SIN3B: variants seen among roughly 807,000 people sequenced by gnomAD.
SIN3B encodes the protein SIN3 transcription regulator family member B.
Under a neutral mutation model 120.2 loss-of-function variants are expected in SIN3B, and 19 were observed. The ratio of observed to expected loss-of-function variants is 0.16; its 90% CI spans 0.11 to 0.23. SIN3B has a LOEUF of 0.23. Among genes scored for constraint, SIN3B ranks in the 10% least tolerant of loss-of-function variants. The pLI, the probability that SIN3B is intolerant of heterozygous loss-of-function variation, is 1.00. For missense variants in SIN3B, 1,073 were observed against 1,573.0 expected (o/e 0.68, Z 5.38); for synonymous variants, 654 against 653.2 (o/e 1.00, Z -0.02).
intron 6 of SIN3B, 151 bp from the exon 7 acceptor site, chr19:16,852,918 C>T (rs987825261): frequency 1.8e-6 from 1 of 552,076 alleles, no homozygotes; most frequent in Non-Finnish European, 3.1e-6. Context: ...TCCTGGGTAA[C>T]TGAGCGGCTC....
chr19:16,874,380 G>A (rs2051554423), intron 14 of SIN3B, among the ~76,000 whole-genome samples: 2 of 151,980 alleles, frequency 1.3e-5, no homozygotes, highest in South Asian at 4.2e-4. Context: ...GTTTTGGTTT[G>A]GTCTGGTTTG....
At chr19:16,850,270 T>C (rs894280150) in intron 5 of SIN3B, among the ~76,000 whole-genome samples, 1 of 152,192 alleles carries the variant, frequency 6.6e-6, no homozygotes, top group African/African-American at 2.4e-5. Context: ...AAATTTTTAA[T>C]GCAAACTTCC....
In SIN3B at chr19:16,879,218, C is replaced by T. The variant is rs1251866026; in HGVS notation, c.*491C>T. Reference sequence around the variant, plus strand: ...CCTTCCAGAATATTCTCAGAGCTGCCAGAAACATCATCTGAGGGTTTGGGC... The same window carrying T: ...CCTTCCAGAATATTCTCAGAGCTGCTAGAAACATCATCTGAGGGTTTGGGC... On this transcript the variant is annotated 3_prime_UTR_variant, in exon 19 of 19. Coordinates refer to ENST00000248054, the MANE Select transcript of SIN3B (RefSeq NM_001297595.2). 6.2e-6 allele frequency: 1 copy of T among 160,284 alleles called. No individual in the cohort carries two copies. Among genetic ancestry groups the T allele is most frequent in the African/African-American group, 2.4e-5 (1 of 41,596 alleles). 9.9% of individuals were successfully genotyped at this position (160,284 alleles called of 1,614,324 possible).
In SIN3B at chr19:16,862,776, A is replaced by C; in HGVS notation, c.1266+217A>C. 1 of 1,043,152 alleles carries C rather than the reference A, an allele frequency of 9.6e-7. No individual in the cohort carries two copies. Among genetic ancestry groups the C allele is most frequent in the South Asian group, 1.4e-5 (1 of 72,600 alleles). The allele number at this position is 1,043,152 out of a possible 1,614,324, so 64.6% of individuals were successfully genotyped here. ...TAGTTTTGGCAAAACACAGAGTGCC[A>C]GGGATAACGTGGAGTTCGGCTTATT... On this transcript the variant is annotated intron_variant, in intron 9 of 18. Transcript: ENST00000248054. This position sits in a 1 kb window ranked among gnomAD's most constrained non-coding sequence, Gnocchi z 4.7.
At chr19:16,847,731 A>G (rs946973199) in intron 5 of SIN3B, among the ~76,000 whole-genome samples, 1 of 152,220 alleles carries the variant, frequency 6.6e-6, no homozygotes, top group African/African-American at 2.4e-5. Context: ...CACTATGATC[A>G]TAAGACTTTT....
chr19:16,843,003 G>A (rs1971436878), intron 4 of SIN3B, among the ~76,000 whole-genome samples: 1 of 152,234 alleles, frequency 6.6e-6, no homozygotes, highest in Non-Finnish European at 1.5e-5. Context: ...TGGGCTGGTG[G>A]CGAGGGACAT....
intron 5 of SIN3B, among the ~76,000 whole-genome samples, chr19:16,850,858 T>A (rs1971535154): frequency 6.6e-6 from 1 of 152,200 alleles, no homozygotes; most frequent in African/African-American, 2.4e-5. Context: ...GGCTGGAGCC[T>A]GGGAGGCAGG....
At chr19:16,847,556 C>T (rs941204600) in intron 5 of SIN3B, among the ~76,000 whole-genome samples, 2 of 152,152 alleles carry the variant, frequency 1.3e-5, no homozygotes, top group South Asian at 2.1e-4. Flanking sequence ...GAGCCAGTAG[C>T]GGGGGTGGCC....
At chr19:16,858,825 C>G (rs1971650067) in intron 8 of SIN3B, among the ~76,000 whole-genome samples, 1 of 152,172 alleles carries the variant, frequency 6.6e-6, no homozygotes, top group Non-Finnish European at 1.5e-5. Context: ...TGACCTGTGC[C>G]TGTAGTCCCA....
At chr19:16,854,605 A>G in intron 8 of SIN3B, 1 of 192,326 alleles carries the variant, frequency 5.2e-6, no homozygotes, top group Non-Finnish European at 1.1e-5. Context: ...CGTTCTCCCC[A>G]TGTCTGCGTG....
Position 16,876,461 on chromosome 19 carries a change from G to A in SIN3B, c.2767-25G>A. On this transcript the variant is annotated intron_variant, in intron 15 of 18. Transcript: ENST00000248054. This position sits in a 1 kb window ranked among gnomAD's most constrained non-coding sequence, Gnocchi z 7.1. Reference sequence around the variant, plus strand: ...CCGGCTGGGCTGTGCCGGCAGTGGAGGCTGTCAGCGTTCCTGCTCCGCAGG... The same window carrying A: ...CCGGCTGGGCTGTGCCGGCAGTGGAAGCTGTCAGCGTTCCTGCTCCGCAGG... 1.2e-6 allele frequency: 2 copies of A among 1,608,670 alleles called. No individual in the cohort carries two copies. Among genetic ancestry groups the A allele is most frequent in the Middle Eastern group, 1.7e-4 (1 of 6,050 alleles).
intron 8 of SIN3B, among the ~76,000 whole-genome samples, chr19:16,858,718 G>C (rs1971648686): frequency 6.6e-6 from 1 of 152,076 alleles, no homozygotes; most frequent in East Asian, 1.9e-4. Flanking sequence ...GGGAGGCTGA[G>C]GCGGGTGGAT....
At chr19:16,870,189 T>C (rs2051492014) in intron 13 of SIN3B, 114 bp downstream of exon 13, 1 of 1,202,896 alleles carries the variant, frequency 8.3e-7, no homozygotes, top group Non-Finnish European at 1.1e-6. Flanking sequence ...TTTAAGAGAA[T>C]TCTGTGATTT....
rs1318336964 is a variant in SIN3B, at chr19:16,865,308, C to G, written c.1384-102C>G. On this transcript the variant is annotated intron_variant, in intron 10 of 18. Coordinates refer to ENST00000248054, the MANE Select transcript of SIN3B (RefSeq NM_001297595.2). ...GACCCTATCTCTTAAATACACACAC[C>G]CCCCCCCCAAAAAAATCCTCTGGTC... is the stretch of plus-strand genomic sequence containing the variant. 3 of 536,240 alleles carry G rather than the reference C, an allele frequency of 5.6e-6. No individual in the cohort carries two copies. In the East Asian group the frequency reaches 1.1e-4, roughly 19 times the overall value. 33.2% of individuals were successfully genotyped at this position (536,240 alleles called of 1,614,324 possible).
intron 4 of SIN3B, among the ~76,000 whole-genome samples, chr19:16,844,683 A>T (rs1005186381): frequency 1.3e-4 from 20 of 152,202 alleles, no homozygotes; most frequent in Non-Finnish European, 2.5e-4. Context: ...TTCCTCAGGG[A>T]CACCTAGAAA....
chr19:16,853,425 C>T (rs1235334192), intron 7 of SIN3B, among the ~76,000 whole-genome samples: 1 of 152,248 alleles, frequency 6.6e-6, no homozygotes, highest in Non-Finnish European at 1.5e-5. Context: ...CACCCTGCAG[C>T]TGTGTGGCTT....
At chr19:16,839,419 A>G (rs1454209544) in intron 3 of SIN3B, among the ~76,000 whole-genome samples, 1 of 152,122 alleles carries the variant, frequency 6.6e-6, no homozygotes, top group African/African-American at 2.4e-5. Context: ...GTACCGTCCC[A>G]TCTGGCTCTT....
rs200428424 is a variant in SIN3B at position 16,851,474 on chromosome 19, G to A, written c.789G>A (p.Pro263=). The part of the protein sequence containing the change: ...SVQKNEHDKT[P]EHSRKRSRPS... ...AGAAGAACGAGCACGACAAGACCCC[G>A]GAGCACAGCAGGAAGCGCTCCCGGC... The change falls in exon 6 of 19, where the codon CCG becomes CCA. Residue 263 remains proline (P), a synonymous_variant. Coordinates refer to ENST00000248054, the MANE Select transcript of SIN3B (RefSeq NM_001297595.2). The A allele has an allele frequency of 1.8e-5, 29 of 1,610,036 alleles. No homozygotes were observed. Among genetic ancestry groups the A allele is most frequent in the African/African-American group, 1.3e-4 (10 of 74,778 alleles).
rs780173111 is a variant in SIN3B at position 16,870,086 on chromosome 19, A to G, written c.2422+11A>G. On this transcript the variant is annotated intron_variant, in intron 13 of 18. Coordinates refer to ENST00000248054, the MANE Select transcript of SIN3B (RefSeq NM_001297595.2). The stretch of plus-strand genomic sequence containing the variant: ...GGCTGAAGCAGCCCAGTAAGGCTCC[A>G]AAGCCTGCCGGGAGGCCCCGGGGGG... 1 of 1,575,072 alleles carries G rather than the reference A, an allele frequency of 6.3e-7. No individual in the cohort carries two copies. Among genetic ancestry groups the G allele is most frequent in the East Asian group, 2.3e-5 (1 of 43,414 alleles).
Sources: gnomAD v4.1 joint callset for allele counts (sites outside exome capture counted in the v4.1 genomes callset) on GRCh38, gnomAD v4.1.1 for gene constraint, Gnocchi (gnomAD v3.1) non-coding constraint, MANE v1.5 for transcripts, NCBI Gene and HGNC (gene_info 2026-07-23, HGNC 2026-07-21) for gene names.